LRP1B: variants seen among roughly 807,000 people sequenced by gnomAD.
The protein encoded by LRP1B is low-density lipoprotein receptor-related protein 1B.
Under a neutral mutation model 556.6 loss-of-function variants are expected in LRP1B, and 217 were observed. The ratio of observed to expected loss-of-function variants is 0.39; its 90% CI spans 0.35 to 0.44. LRP1B has a LOEUF of 0.44. Ranked by LOEUF, LRP1B falls within the 20% of genes least tolerant of loss-of-function variation. LRP1B has a pLI of 1.00. For synonymous variants in LRP1B, 2,047 were observed against 1,865.8 expected (o/e 1.10, Z -2.50); for missense variants, 5,053 against 5,620.8 (o/e 0.90, Z 3.23).
chr2:141,292,262 C>T (rs1686001685), intron 3 of LRP1B, among the ~76,000 whole-genome samples: 1 of 152,166 alleles, frequency 6.6e-6, no homozygotes, highest in Non-Finnish European at 1.5e-5. Context: ...GAAAAATTAT[C>T]TTCCATGAAA....
chr2:140,398,855 T>G (rs947762002), intron 66 of LRP1B, among the ~76,000 whole-genome samples: 2 of 152,268 alleles, frequency 1.3e-5, no homozygotes, highest in Middle Eastern at 3.4e-3. Flanking sequence ...TCTAAATGTA[T>G]AACTTGTGAT....
At chr2:140,948,388 T>G (rs991526881) in intron 20 of LRP1B, among the ~76,000 whole-genome samples, 1 of 152,248 alleles carries the variant, frequency 6.6e-6, no homozygotes, top group Non-Finnish European at 1.5e-5. Context: ...TTACATATAC[T>G]TTTTCTTTTT....
intron 60 of LRP1B, among the ~76,000 whole-genome samples, chr2:140,458,891 A>C (rs1195382063): frequency 1.3e-5 from 2 of 152,022 alleles, no homozygotes; most frequent in African/African-American, 4.8e-5. Flanking sequence ...ACTAAAAGAC[A>C]ATAGAAATAA....
At chr2:141,155,049 A>C (rs964596398) in intron 7 of LRP1B, among the ~76,000 whole-genome samples, 5 of 151,996 alleles carry the variant, frequency 3.3e-5, no homozygotes, top group African/African-American at 1.2e-4. Flanking sequence ...GAGTATTACT[A>C]AAGAGTATAA....
chr2:140,740,033 C>T (rs763457317), intron 35 of LRP1B, among the ~76,000 whole-genome samples: 36 of 152,178 alleles, frequency 2.4e-4, no homozygotes, highest in African/African-American at 7.9e-4. Flanking sequence ...TAGTTGTTGG[C>T]GTGGATGCAG....
intron 66 of LRP1B, among the ~76,000 whole-genome samples, chr2:140,386,548 CAT>C (rs1429226764): frequency 6.6e-6 from 1 of 152,214 alleles, no homozygotes; most frequent in African/African-American, 2.4e-5. Context: ...TAATGCTTCA[CAT>C]GTGTACAGAG....
chr2:141,006,782 G>A lies in LRP1B; in HGVS notation c.2381-1325C>T, dbSNP rs571903221. 2.0e-4 allele frequency among the ~76,000 whole-genome samples: 30 copies of A among 151,862 alleles called. No individual in the cohort carries two copies. In the South Asian group the frequency reaches 4.4e-3, roughly 22 times the overall value. On this transcript the variant is annotated intron_variant, in intron 14 of 90. Coordinates refer to ENST00000389484, the MANE Select transcript of LRP1B (RefSeq NM_018557.3). ...TACAAACCTGTACATAGCATGCTACGGTACTGAATACTGTAAACAATTATA... is the reference window on the plus strand; with the variant it reads ...TACAAACCTGTACATAGCATGCTACAGTACTGAATACTGTAAACAATTATA...
chr2:140,555,942 G>A (rs1048611148), intron 43 of LRP1B, among the ~76,000 whole-genome samples: 25 of 151,966 alleles, frequency 1.6e-4, no homozygotes, highest in African/African-American at 4.3e-4. Context: ...CAAGTCATAC[G>A]ATATGGACAT....
At chr2:140,747,842 G>C (rs114887520) in intron 35 of LRP1B, among the ~76,000 whole-genome samples, 1 of 151,824 alleles carries the variant, frequency 6.6e-6, no homozygotes, top group Non-Finnish European at 1.5e-5. Context: ...AACTCTGAAA[G>C]TGTGTAAAGC....
intron 10 of LRP1B, among the ~76,000 whole-genome samples, chr2:141,051,103 C>A (rs1336251089): frequency 6.6e-6 from 1 of 151,968 alleles, no homozygotes; most frequent in Non-Finnish European, 1.5e-5. Context: ...GTCAAAATGG[C>A]AATTATTAAA....
chr2:141,417,544 T>C (rs1559059242), intron 3 of LRP1B, among the ~76,000 whole-genome samples: 1 of 152,208 alleles, frequency 6.6e-6, no homozygotes, highest in African/African-American at 2.4e-5. Context: ...GGTGCATCTA[T>C]GACAGAATTT....
Position 141,805,617 on chromosome 2 carries a change from T to G in LRP1B, c.205+4662A>C, listed in dbSNP as rs2105696975. The G allele has an allele frequency of 1.3e-5, 2 of 152,222 alleles. 1 individual carries two copies. Among genetic ancestry groups the G allele is most frequent in the Non-Finnish European group, 2.9e-5 (2 of 68,018 alleles). The allele number at this position is 152,222 out of a possible 1,614,324, so 9.4% of individuals were successfully genotyped here. On this transcript the variant is annotated intron_variant, in intron 2 of 90. Transcript: ENST00000389484. ...TGCCTCAACTGTATAGCAGATATATTTCAGCTACGCTACTACAACAAAGAT... is the reference window on the plus strand; with the variant it reads ...TGCCTCAACTGTATAGCAGATATATGTCAGCTACGCTACTACAACAAAGAT...
chr2:141,101,841 G>A (rs958409019), intron 7 of LRP1B, among the ~76,000 whole-genome samples: 1 of 151,876 alleles, frequency 6.6e-6, no homozygotes, highest in Non-Finnish European at 1.5e-5. Flanking sequence ...CATTTGCCTT[G>A]GTATCTCTTC....
chr2:141,310,698 A>G (rs1040188120), intron 3 of LRP1B, among the ~76,000 whole-genome samples: 2 of 152,184 alleles, frequency 1.3e-5, no homozygotes, highest in African/African-American at 4.8e-5. Flanking sequence ...AATTTCATGA[A>G]CAGAACCAAT....
intron 1 of LRP1B, among the ~76,000 whole-genome samples, chr2:142,101,732 C>A (rs1031496676): frequency 6.6e-6 from 1 of 151,958 alleles, no homozygotes; most frequent in Admixed American, 6.6e-5. Flanking sequence ...TCTAATCACT[C>A]ACTTCATTCA....
Position 140,867,692 on chromosome 2 carries a change from A to T in LRP1B, c.4477T>A (p.Ser1493Thr), listed in dbSNP as rs769549661. 8 of 1,613,564 alleles carry T rather than the reference A, an allele frequency of 5.0e-6. No individual in the cohort carries two copies. The East Asian group carries it at 1.6e-4, about 31-fold the overall frequency. The change falls in exon 27 of 91, where the codon TCC becomes ACC. Residue 1493 changes from serine to threonine, a missense_variant. Coordinates refer to ENST00000389484, the MANE Select transcript of LRP1B (RefSeq NM_018557.3). ...TGCCCTGTCCACTTATTGGCTTTGG[A>T]CAATGTGTTGGTCCTCCAGTCTGTC... ...YWTDWRTNTL[S>T]KANKWTGQNV...
chr2:140,854,337 A>G (rs1367769928), intron 27 of LRP1B, among the ~76,000 whole-genome samples: 1 of 152,136 alleles, frequency 6.6e-6, no homozygotes, highest in African/African-American at 2.4e-5. Flanking sequence ...GTTTCTATGT[A>G]CATACTAAAA....
intron 2 of LRP1B, among the ~76,000 whole-genome samples, chr2:141,674,318 CT>C (rs1690792792): frequency 6.6e-6 from 1 of 151,984 alleles, no homozygotes; most frequent in South Asian, 2.1e-4. Flanking sequence ...CATTTTAAGA[CT>C]TGCCTGTTGA....
intron 35 of LRP1B, among the ~76,000 whole-genome samples, chr2:140,722,285 G>A (rs1194871962): frequency 6.6e-6 from 1 of 152,120 alleles, no homozygotes; most frequent in African/African-American, 2.4e-5. Flanking sequence ...CTAATGCTAT[G>A]AAAATTCTTT....
Sources: gnomAD v4.1 joint callset for allele counts (sites outside exome capture counted in the v4.1 genomes callset) on GRCh38, gnomAD v4.1.1 for gene constraint, MANE v1.5 for transcripts, NCBI Gene and HGNC (gene_info 2026-07-23, HGNC 2026-07-21) for gene names.